The following LGR6 variants were observed in gnomAD, a reference collection of about 807,000 sequenced individuals.
The protein encoded by LGR6 is leucine-rich repeat-containing G protein-coupled receptor 6.
LGR6 carries 45 observed loss-of-function variants against 69.4 expected under a neutral mutation model. That is an observed-to-expected ratio of 0.65 (90% CI 0.51 to 0.83). LGR6 has a LOEUF of 0.83. Among genes scored for constraint, LGR6 ranks in the 40% least tolerant of loss-of-function variants. LGR6 has a pLI of 0.00. For synonymous variants in LGR6, 538 were observed against 555.0 expected (o/e 0.97, Z 0.43); for missense variants, 1,108 against 1,246.7 (o/e 0.89, Z 1.68).
chr1:202,305,728 G>C lies in LGR6; in HGVS notation c.1115G>C (p.Arg372Thr). 4.3e-6 allele frequency: 7 copies of C among 1,614,130 alleles called. No individual in the cohort carries two copies. The highest frequency in any genetic ancestry group is 5.9e-6 in the Non-Finnish European group (7 of 1,180,016). ...ATTGAGGAGCTGCCCAGCCTGCACA[G>C]GTGTCAGAAATTGGAGGAAATGTGA... ...NQIEELPSLH[R>T]CQKLEEIGLQ... Residue 372 changes from arginine to threonine, a missense_variant, in exon 12 of 18, where the codon AGG becomes ACG. Physicochemically the swap from Arg to Thr is moderately conservative, Grantham distance 71. Coordinates refer to ENST00000367278, the MANE Select transcript of LGR6 (RefSeq NM_001017403.2).
At chr1:202,309,240 A>C (rs1340178181) in intron 15 of LGR6, 64 bp downstream of exon 15, 4 of 1,588,214 alleles carry the variant, frequency 2.5e-6, no homozygotes, top group Non-Finnish European at 3.4e-6. Context: ...GGACAGAGAG[A>C]AAGCCAGATG....
chr1:202,200,415 G>A (rs908853133), intron 1 of LGR6, among the ~76,000 whole-genome samples: 2 of 152,196 alleles, frequency 1.3e-5, no homozygotes, highest in Non-Finnish European at 2.9e-5. Flanking sequence ...ATGCCCTGAG[G>A]GGCCGTGAGG....
Position 202,318,841 on chromosome 1 carries a change from G to A in LGR6, c.2538G>A (p.Gly846=). ...DDLRRLRPRA[G]DSGPLAYAAA... ...TTCGGCGGCTTCGGCCCCGCGCAGG[G>A]GACTCAGGGCCCCTAGCCTATGCTG... The change falls in exon 18 of 18, where the codon GGG becomes GGA. Residue 846 remains glycine, a synonymous_variant. Transcript: ENST00000367278. The A allele has an allele frequency of 6.2e-7, 1 of 1,613,424 alleles. No homozygotes were observed. Among genetic ancestry groups the A allele is most frequent in the Non-Finnish European group, 8.5e-7 (1 of 1,179,762 alleles).
At chr1:202,316,110 C>T (rs1654120629) in intron 17 of LGR6, among the ~76,000 whole-genome samples, 1 of 152,102 alleles carries the variant, frequency 6.6e-6, no homozygotes, top group South Asian at 2.1e-4. Flanking sequence ...TTAAAGAGAA[C>T]GAGAAACGCA....
intron 4 of LGR6, chr1:202,236,222 C>A (rs1661538045): frequency 1.4e-5 from 8 of 556,240 alleles, no homozygotes; most frequent in Middle Eastern, 9.5e-4. Flanking sequence ...TGCTCCCACG[C>A]CCCACTGGGG....
At chr1:202,304,685 C>A in intron 11 of LGR6, 55 bp downstream of exon 11, 3 of 1,350,570 alleles carry the variant, frequency 2.2e-6, no homozygotes, top group Non-Finnish European at 2.1e-6. Flanking sequence ...CCCCCATGTC[C>A]CACAAAAGGC....
chr1:202,233,977 A>C (rs1419958100), intron 3 of LGR6, among the ~76,000 whole-genome samples: 4 of 152,222 alleles, frequency 2.6e-5, no homozygotes, highest in Non-Finnish European at 5.9e-5. Flanking sequence ...CAGAGTCTGC[A>C]TCTGTGACAA....
chr1:202,206,846 A>T (rs1233915083), intron 1 of LGR6, among the ~76,000 whole-genome samples: 6 of 151,812 alleles, frequency 4.0e-5, no homozygotes, highest in African/African-American at 1.5e-4. Context: ...ATTTTATTAC[A>T]AGGGGCCCCA....
At chr1:202,247,677 A>G (rs554201679) in intron 4 of LGR6, among the ~76,000 whole-genome samples, 3 of 152,346 alleles carry the variant, frequency 2.0e-5, no homozygotes, top group South Asian at 2.1e-4. Context: ...TGTCTATACC[A>G]CACAAAGGGG....
intron 1 of LGR6, among the ~76,000 whole-genome samples, chr1:202,212,024 G>A (rs1247406221): frequency 6.6e-6 from 1 of 152,154 alleles, no homozygotes; most frequent in African/African-American, 2.4e-5. Context: ...TTGTGGCATG[G>A]TACTTACTAT....
Position 202,300,875 on chromosome 1 carries a change from C to T in LGR6, c.812C>T (p.Ala271Val). The T allele has an allele frequency of 6.2e-7, 1 of 1,612,246 alleles. No individual in the cohort carries two copies. Among genetic ancestry groups the T allele is most frequent in the South Asian group, 1.1e-5 (1 of 90,696 alleles). Reference protein sequence around the residue: ...ELGFHNNNIKAIPEKAFMGNP... With the variant: ...ELGFHNNNIKVIPEKAFMGNP... The stretch of plus-strand genomic sequence containing the variant: ...GGGTTCCATAACAACAACATCAAGG[C>T]CATCCCAGAAAAGGCCTTCATGGGG... The change falls in exon 8 of 18, where the codon GCC becomes GTC. Residue 271 changes from alanine (A) to valine (V), a missense_variant. By Grantham distance (64) the Ala-to-Val change is moderately conservative. Coordinates refer to ENST00000367278, the MANE Select transcript of LGR6 (RefSeq NM_001017403.2).
At chr1:202,222,358 C>T (rs929358057) in intron 1 of LGR6, among the ~76,000 whole-genome samples, 3 of 152,104 alleles carry the variant, frequency 2.0e-5, no homozygotes, top group South Asian at 4.1e-4. Flanking sequence ...GTTCAGGCCC[C>T]CTCCTCCGCA....
Position 202,276,358 on chromosome 1 carries a change from C to G in LGR6, c.481C>G (p.Leu161Val). Residue 161 changes from leucine to valine, a missense_variant, in exon 5 of 18, where the codon CTG (leucine) becomes GTG (valine). Transcript: ENST00000367278. ...SLVPERSFEG[L>V]SSLRHLWLDD... ...GGTCCCGGAGAGGAGCTTTGAGGGG[C>G]TGTCCTCCCTCCGCCACCTCTGGCT... is the stretch of plus-strand genomic sequence containing the variant. 6.2e-7 allele frequency: 1 copy of G among 1,614,184 alleles called. No individual in the cohort carries two copies. The highest frequency in any genetic ancestry group is 8.5e-7 in the Non-Finnish European group (1 of 1,180,026).
chr1:202,252,175 T>C (rs758381949), intron 4 of LGR6, among the ~76,000 whole-genome samples: 6 of 152,242 alleles, frequency 3.9e-5, no homozygotes, highest in East Asian at 1.9e-4. Flanking sequence ...CCCTATACCC[T>C]GCTCTCTACT....
intron 4 of LGR6, among the ~76,000 whole-genome samples, chr1:202,269,089 A>G (rs1264609804): frequency 2.0e-5 from 3 of 151,988 alleles, no homozygotes; most frequent in Non-Finnish European, 1.5e-5. Context: ...ATTTTTTTCT[A>G]GAGAGGGTGT....
intron 15 of LGR6, among the ~76,000 whole-genome samples, chr1:202,309,692 C>T (rs1159463354): frequency 6.6e-6 from 1 of 152,262 alleles, no homozygotes; most frequent in Non-Finnish European, 1.5e-5. Context: ...CCCTTAGGGC[C>T]TCTGCACTTA....
chr1:202,204,238 C>T (rs1011902652), intron 1 of LGR6, among the ~76,000 whole-genome samples: 1 of 143,574 alleles, frequency 7.0e-6, no homozygotes, highest in African/African-American at 2.6e-5. Context: ...TCCACACACA[C>T]ACACACCTCC....
intron 1 of LGR6, among the ~76,000 whole-genome samples, chr1:202,198,452 T>TA (rs1167746871): frequency 2.0e-5 from 3 of 152,194 alleles, no homozygotes; most frequent in Non-Finnish European, 4.4e-5. Flanking sequence ...CGATAAATGT[T>TA]AGCCAGTGTT....
At chr1:202,199,476 G>T (rs914043499) in intron 1 of LGR6, among the ~76,000 whole-genome samples, 3 of 152,220 alleles carry the variant, frequency 2.0e-5, no homozygotes, top group Admixed American at 2.0e-4. Context: ...AAACCTCTCG[G>T]CTCTGGCAGC....
Sources: gnomAD v4.1 joint callset for allele counts (sites outside exome capture counted in the v4.1 genomes callset) on GRCh38, gnomAD v4.1.1 for gene constraint, MANE v1.5 for transcripts, NCBI Gene and HGNC (gene_info 2026-07-23, HGNC 2026-07-21) for gene names.